MBOAT4: variants seen among roughly 807,000 people sequenced by gnomAD.
MBOAT4 encodes membrane-bound ghrelin O-acyltransferase MBOAT4.
Under a neutral mutation model 13.2 loss-of-function variants are expected in MBOAT4, and 11 were observed. The observed-to-expected ratio is 0.84, with a 90% CI of 0.53 to 1.38. The LOEUF (loss-of-function observed/expected upper bound fraction) is 1.38, where lower values mean the gene tolerates loss of function less well. MBOAT4 is among the 40% of genes most tolerant of loss of function. MBOAT4 has a pLI of 0.00. For synonymous variants in MBOAT4, 202 were observed against 210.3 expected (o/e 0.96, Z 0.34); for missense variants, 481 against 527.2 (o/e 0.91, Z 0.86).
chr8:30,136,867 T>C (rs1275866845), intron 2 of MBOAT4, among the ~76,000 whole-genome samples: 3 of 152,114 alleles, frequency 2.0e-5, no homozygotes, highest in Non-Finnish European at 4.4e-5. Context: ...TTTGTATTTT[T>C]AGCAGAGACG....
At chr8:30,144,257 C>T (rs755339895) in intron 1 of MBOAT4, among the ~76,000 whole-genome samples, 1 of 152,162 alleles carries the variant, frequency 6.6e-6, no homozygotes, top group Non-Finnish European at 1.5e-5. Context: ...GCCTCCCTCC[C>T]GAGGAGCTGG....
In MBOAT4 at chr8:30,132,597, T is replaced by C. The variant is rs1467607280; in HGVS notation, c.654A>G (p.Leu218=). 23 of 1,551,682 alleles carry C rather than the reference T, an allele frequency of 1.5e-5. No individual in the cohort carries two copies. Among genetic ancestry groups the C allele is most frequent in the Non-Finnish European group, 1.9e-5 (22 of 1,147,024 alleles). ...CCACCACCCTGCTCACTGCCACGTT[T>C]AGGCATTCTAGTCCAAGAATCTGCA... ...RGLQILGLEC[L]NVAVSRVVDA... The change falls in exon 3 of 3, where the codon CTA becomes CTG. Residue 218 remains leucine (L), a synonymous_variant. Coordinates refer to ENST00000320542, the MANE Select transcript of MBOAT4 (RefSeq NM_001100916.2).
chr8:30,137,012 A>T (rs570060941), intron 2 of MBOAT4, among the ~76,000 whole-genome samples: 13 of 148,120 alleles, frequency 8.8e-5, no homozygotes, highest in East Asian at 7.9e-4. Flanking sequence ...CAGGAAAATT[A>T]AAAAAAAAAA....
intron 2 of MBOAT4, among the ~76,000 whole-genome samples, chr8:30,134,518 C>G (rs981339587): frequency 2.0e-5 from 3 of 151,916 alleles, no homozygotes; most frequent in Non-Finnish European, 4.4e-5. Flanking sequence ...ACTGTAATGC[C>G]CAATTCCTAA....
At chr8:30,135,912 T>TG (rs1488080329) in intron 2 of MBOAT4, among the ~76,000 whole-genome samples, 17 of 29,612 alleles carry the variant, frequency 5.7e-4, no homozygotes, top group African/African-American at 1.6e-3. Flanking sequence ...AGACCTTGTC[T>TG]GAAAAAAAAA....
intron 2 of MBOAT4, among the ~76,000 whole-genome samples, chr8:30,136,380 C>T (rs1405583415): frequency 2.6e-5 from 4 of 152,220 alleles, no homozygotes; most frequent in African/African-American, 9.7e-5. Context: ...CGAGAATGGC[C>T]TCAGAAGAAC....
chr8:30,133,692 C>T (rs961955899), intron 2 of MBOAT4, among the ~76,000 whole-genome samples: 11 of 149,616 alleles, frequency 7.4e-5, no homozygotes, highest in African/African-American at 2.5e-4. Flanking sequence ...GGGAGGCTGA[C>T]GTGGGTGGAA....
chr8:30,141,212 A>G (rs1803255322), intron 1 of MBOAT4, among the ~76,000 whole-genome samples: 1 of 152,124 alleles, frequency 6.6e-6, no homozygotes, highest in South Asian at 2.1e-4. Context: ...CTCAGAAGCC[A>G]AGGAGATGCA....
chr8:30,132,262 G>A lies in MBOAT4; in HGVS notation c.989C>T (p.Thr330Ile). The A allele has an allele frequency of 3.2e-6, 5 of 1,551,780 alleles. No homozygotes were observed. The highest frequency in any genetic ancestry group is 4.4e-6 in the Non-Finnish European group (5 of 1,147,008). ...ATGCCACCAGGCAGAGAAGGCAAAT[G>A]TCTGCAACAACGGCCAAGCCCTGCT... Reference protein sequence around the residue: ...QHSRAWPLLQTFAFSAWWHGL... With the variant: ...QHSRAWPLLQIFAFSAWWHGL... The change falls in exon 3 of 3, where the codon ACA (threonine) becomes ATA (isoleucine). Residue 330 changes from threonine (T) to isoleucine (I), a missense_variant. By Grantham distance (89) the Thr-to-Ile change is moderately conservative (BLOSUM62 -1). Transcript: ENST00000320542.
chr8:30,144,016 A>C (rs1310213172), intron 1 of MBOAT4, among the ~76,000 whole-genome samples: 1 of 152,222 alleles, frequency 6.6e-6, no homozygotes, highest in Admixed American at 6.5e-5. Context: ...TGTTATATAT[A>C]TTCATTATCA....
intron 1 of MBOAT4, among the ~76,000 whole-genome samples, chr8:30,139,197 C>T (rs1353115710): frequency 6.6e-6 from 1 of 151,892 alleles, no homozygotes; most frequent in Non-Finnish European, 1.5e-5. Context: ...AAGCGATCCT[C>T]CTCCCTCGGC....
At chr8:30,140,069 G>A (rs1352438850) in intron 1 of MBOAT4, among the ~76,000 whole-genome samples, 1 of 152,072 alleles carries the variant, frequency 6.6e-6, no homozygotes, top group Non-Finnish European at 1.5e-5. Context: ...ACAGAGTCTC[G>A]CTCTGTTGCC....
intron 1 of MBOAT4, among the ~76,000 whole-genome samples, chr8:30,143,342 C>T (rs13252676): frequency 0.91 from 132,628 of 145,124 alleles, 60,184 homozygotes; most frequent in Non-Finnish European, 0.96. Context: ...AGCGAGACTC[C>T]GTCTCAAAAA....
intron 2 of MBOAT4, chr8:30,137,592 T>A: frequency 1.0e-6 from 1 of 989,046 alleles, no homozygotes. Flanking sequence ...TTCATTCTAA[T>A]GAAACTGCCA....
intron 1 of MBOAT4, among the ~76,000 whole-genome samples, chr8:30,138,983 T>C (rs1307407252): frequency 6.6e-6 from 1 of 151,988 alleles, no homozygotes; most frequent in Non-Finnish European, 1.5e-5. Flanking sequence ...AAATCTTTTT[T>C]TTTTTTTTGA....
Position 30,137,054 on chromosome 8 carries a change from A to G in MBOAT4, c.344+1478T>C, listed in dbSNP as rs555820400. On this transcript the variant is annotated intron_variant, in intron 2 of 2. Transcript: ENST00000320542. ...GTATAGTCAGGAGGATGGCAAAGCAAGTGAACCAACCGCAGGCTAGAATCA... is the reference window on the plus strand; with the variant it reads ...GTATAGTCAGGAGGATGGCAAAGCAGGTGAACCAACCGCAGGCTAGAATCA... Among the ~76,000 whole-genome samples, 9 of 152,278 alleles carry G rather than the reference A, an allele frequency of 5.9e-5. No individual in the cohort carries two copies. In the South Asian group the frequency reaches 1.9e-3, roughly 32 times the overall value.
chr8:30,144,291 C>A (rs1333146108), intron 1 of MBOAT4, among the ~76,000 whole-genome samples, 192 bp downstream of exon 1: 1 of 152,202 alleles, frequency 6.6e-6, no homozygotes, highest in Non-Finnish European at 1.5e-5. Flanking sequence ...AGCCACCATG[C>A]CCAGCTAATT....
At chr8:30,144,460 G>A (rs1462920635) in intron 1 of MBOAT4, 23 bp downstream of exon 1, 2 of 1,485,248 alleles carry the variant, frequency 1.3e-6, no homozygotes, top group Non-Finnish European at 1.8e-6. Flanking sequence ...GGATGTAAGA[G>A]TAAAAATAGC....
chr8:30,136,414 A>G (rs1038289679), intron 2 of MBOAT4, among the ~76,000 whole-genome samples: 1 of 152,178 alleles, frequency 6.6e-6, no homozygotes, highest in Non-Finnish European at 1.5e-5. Flanking sequence ...CGTCATCATC[A>G]GTGACTTCCA....
Sources: gnomAD v4.1 joint callset for allele counts (sites outside exome capture counted in the v4.1 genomes callset) on GRCh38, gnomAD v4.1.1 for gene constraint, MANE v1.5 for transcripts, NCBI Gene and HGNC (gene_info 2026-07-23, HGNC 2026-07-21) for gene names.